The following FOXN3 variants were observed in gnomAD, a reference collection of about 807,000 sequenced individuals.
FOXN3 encodes forkhead box protein N3.
Under a neutral mutation model 38.4 loss-of-function variants are expected in FOXN3, and 7 were observed. That is an observed-to-expected ratio of 0.18 (90% confidence interval 0.10 to 0.34). The LOEUF is 0.34. Among genes scored for constraint, FOXN3 ranks in the 10% least tolerant of loss-of-function variants. FOXN3 has a pLI of 1.00. For missense variants in FOXN3, 456 were observed against 613.4 expected (o/e 0.74, Z 2.71); for synonymous variants, 230 against 242.2 (o/e 0.95, Z 0.47).
chr14:89,283,192 C>T (rs1400571585), intron 3 of FOXN3, among the ~76,000 whole-genome samples: 1 of 152,210 alleles, frequency 6.6e-6, no homozygotes, highest in Non-Finnish European at 1.5e-5. Context: ...CATCTTCTAA[C>T]TGTTAGAAGA....
chr14:89,202,838 G>A (rs891631324), intron 4 of FOXN3, among the ~76,000 whole-genome samples: 1 of 152,152 alleles, frequency 6.6e-6, no homozygotes, highest in Non-Finnish European at 1.5e-5. Context: ...ACAGAACCAT[G>A]AGCCAGATAA....
At chr14:89,469,661 C>A (rs1893050015) in intron 1 of FOXN3, among the ~76,000 whole-genome samples, 1 of 152,156 alleles carries the variant, frequency 6.6e-6, no homozygotes, top group Non-Finnish European at 1.5e-5. Context: ...GGGTGCCTTG[C>A]CCCAGTGGAT....
chr14:89,439,657 CTTTTTTTT>C (rs35535565), intron 1 of FOXN3, among the ~76,000 whole-genome samples: 5 of 136,282 alleles, frequency 3.7e-5, no homozygotes, highest in African/African-American at 1.1e-4. Context: ...TCTTTTATTC[CTTTTTTTT>C]TTTTTTTTGA....
chr14:89,183,642 T>C (rs904427398), intron 4 of FOXN3, among the ~76,000 whole-genome samples: 1 of 151,916 alleles, frequency 6.6e-6, no homozygotes, highest in East Asian at 1.9e-4. Context: ...GGCAGAAAAA[T>C]GGCACATACA....
intron 1 of FOXN3, among the ~76,000 whole-genome samples, chr14:89,495,558 C>G (rs1893663103): frequency 6.6e-6 from 1 of 152,160 alleles, no homozygotes; most frequent in Admixed American, 6.5e-5. Flanking sequence ...ATTAGCAGGG[C>G]AGGTAAGGAT....
intron 1 of FOXN3, among the ~76,000 whole-genome samples, chr14:89,481,141 T>C (rs1893319079): frequency 6.6e-6 from 1 of 152,084 alleles, no homozygotes; most frequent in African/African-American, 2.4e-5. Context: ...TGCACTCAGT[T>C]TCTCCTGGCT....
intron 1 of FOXN3, among the ~76,000 whole-genome samples, chr14:89,488,397 G>A (rs1011293425): frequency 2.4e-4 from 37 of 151,952 alleles, no homozygotes; most frequent in Admixed American, 2.4e-3. Flanking sequence ...TGTAATCCCA[G>A]CACTTTGGGA....
chr14:89,165,727 G>A (rs149007809), intron 5 of FOXN3, among the ~76,000 whole-genome samples: 1 of 152,328 alleles, frequency 6.6e-6, no homozygotes, highest in East Asian at 1.9e-4. Flanking sequence ...ATAGTTATTA[G>A]AGCAAACGAA....
intron 1 of FOXN3, among the ~76,000 whole-genome samples, chr14:89,441,735 G>A (rs890160117): frequency 2.2e-4 from 33 of 152,134 alleles, no homozygotes; most frequent in Admixed American, 1.9e-3. Flanking sequence ...GAAATAAAGC[G>A]TCCTCTTGAA....
At chr14:89,216,082 C>T (rs1596108603) in intron 4 of FOXN3, among the ~76,000 whole-genome samples, 1 of 152,254 alleles carries the variant, frequency 6.6e-6, no homozygotes, top group Middle Eastern at 3.4e-3. Flanking sequence ...GTCCAGTGCC[C>T]TATGGGGCTA....
At chr14:89,237,182 T>C (rs192215540) in intron 4 of FOXN3, among the ~76,000 whole-genome samples, 2 of 151,964 alleles carry the variant, frequency 1.3e-5, no homozygotes, top group East Asian at 1.9e-4. Context: ...AAGACATAAA[T>C]AGACATTTTG....
intron 4 of FOXN3, among the ~76,000 whole-genome samples, chr14:89,277,555 C>T (rs79374007): frequency 0.013 from 1,919 of 152,232 alleles, 34 homozygotes; most frequent in Middle Eastern, 0.041. Flanking sequence ...TCCTCGAAAC[C>T]GAGAGGTGAT....
intron 4 of FOXN3, among the ~76,000 whole-genome samples, chr14:89,206,774 G>A (rs1596103118): frequency 6.6e-6 from 1 of 152,138 alleles, no homozygotes; most frequent in African/African-American, 2.4e-5. Context: ...TCATGCCTGC[G>A]GTTTTCTCTC....
chr14:89,606,435 T>A (rs1026939781), intron 1 of FOXN3, among the ~76,000 whole-genome samples: 1 of 152,116 alleles, frequency 6.6e-6, no homozygotes, highest in Non-Finnish European at 1.5e-5. Context: ...AAGATCAAGG[T>A]TGAGCATTGA....
At chr14:89,463,112 A>AC (rs1444784803) in intron 1 of FOXN3, among the ~76,000 whole-genome samples, 2 of 143,514 alleles carry the variant, frequency 1.4e-5, no homozygotes, top group Non-Finnish European at 3.0e-5. Context: ...ACACGGTGAA[A>AC]CCCCGTCTCT....
chr14:89,338,570 G>A (rs1468084849), intron 3 of FOXN3, among the ~76,000 whole-genome samples: 1 of 152,196 alleles, frequency 6.6e-6, no homozygotes, highest in Admixed American at 6.5e-5. Flanking sequence ...GAAGTGGGTA[G>A]ATCATCTGAG....
chr14:89,616,521 A>ACCCC (rs1161046760), intron 1 of FOXN3, among the ~76,000 whole-genome samples: 8 of 137,944 alleles, frequency 5.8e-5, no homozygotes, highest in South Asian at 2.5e-4. Flanking sequence ...TCACTCCCCA[A>ACCCC]CCCCACCCCC....
At chr14:89,541,075 C>T (rs1044237769) in intron 1 of FOXN3, among the ~76,000 whole-genome samples, 4 of 152,118 alleles carry the variant, frequency 2.6e-5, no homozygotes, top group African/African-American at 7.2e-5. Context: ...TCAATTTGTA[C>T]ATTGTGTCAT....
At chr14:89,263,864 C>A (rs1383819856) in intron 4 of FOXN3, 1 of 152,108 alleles carries the variant, frequency 6.6e-6, no homozygotes, top group Non-Finnish European at 1.5e-5. Flanking sequence ...CCAGCCTGAT[C>A]AACATGGTGA....
Sources: allele counts gnomAD v4.1 joint callset (sites outside exome capture counted in the v4.1 genomes callset), GRCh38; gene constraint gnomAD v4.1.1; transcripts MANE v1.5; gene names NCBI Gene and HGNC (gene_info 2026-07-23, HGNC 2026-07-21).